ARID3B: variants seen among roughly 807,000 people sequenced by gnomAD.
ARID3B encodes the protein AT-rich interaction domain 3B, also known as AT-rich interactive domain-containing protein 3B.
A neutral mutation model predicts 51.9 loss-of-function variants in ARID3B; 10 were observed. The ratio of observed to expected loss-of-function variants is 0.19; its 90% confidence interval spans 0.12 to 0.33. The LOEUF (loss-of-function observed/expected upper bound fraction) is 0.33, where lower values mean the gene tolerates loss of function less well. ARID3B is among the 10% of genes least tolerant of loss of function. The pLI is 1.00. For synonymous variants in ARID3B, 205 were observed against 279.5 expected (o/e 0.73, Z 2.66); for missense variants, 483 against 716.3 (o/e 0.67, Z 3.72).
chr15:74,544,195 A>G lies in ARID3B; in HGVS notation c.259A>G (p.Met87Val), dbSNP rs780571610. Residue 87 changes from methionine (M) to valine (V), a missense_variant, in exon 2 of 9, where the codon ATG (methionine) becomes GTG (valine). Physicochemically the swap from Met to Val is conservative, Grantham distance 21. This residue lies in a region of ARID3B where 182 missense variants were observed against 244.5 expected (regional missense o/e 0.74). Transcript: ENST00000346246. ...AVAQVFERGN[M>V]NSEPEEEDGG... ...GGCCCAAGTGTTTGAACGGGGCAAC[A>G]TGAACTCAGAGCCTGAGGAAGAGGA... 1.9e-5 allele frequency: 31 copies of G among 1,613,928 alleles called. No homozygotes were observed. Among genetic ancestry groups the G allele is most frequent in the Admixed American group, 8.3e-5 (5 of 59,994 alleles).
chr15:74,541,298 C>CCTT lies in ARID3B; in HGVS notation c.-109_-108insTTC, dbSNP rs2061594120. 2 of 142,178 alleles carry CCTT rather than the reference C, an allele frequency of 1.4e-5. No individual in the cohort carries two copies. The highest frequency in any genetic ancestry group is 5.1e-5 in the African/African-American group (2 of 39,252). The allele number at this position is 142,178 out of a possible 1,614,324, so 8.8% of individuals were successfully genotyped here. A position where few individuals can be genotyped will look rare whatever the true frequency, so the allele number is the denominator to read the frequency against. On this transcript the variant is annotated 5_prime_UTR_variant, in exon 1 of 9. Coordinates refer to ENST00000346246, the MANE Select transcript of ARID3B (RefSeq NM_006465.4). ...GCCGGGGCCTGAGCTGCCGCCTCCT[C>CCTT]CGCCGCCCGAAAACCCGGAGTGCCC...
At chr15:74,545,756 G>C (rs752482570) in intron 2 of ARID3B, among the ~76,000 whole-genome samples, 1 of 152,194 alleles carries the variant, frequency 6.6e-6, no homozygotes, top group Non-Finnish European at 1.5e-5. Flanking sequence ...AAACATCTTG[G>C]ATCAGGAGGT....
At chr15:74,583,109 A>T (rs947580349) in intron 4 of ARID3B, among the ~76,000 whole-genome samples, 1 of 151,338 alleles carries the variant, frequency 6.6e-6, no homozygotes, top group Non-Finnish European at 1.5e-5. Context: ...CTGAGGTGAG[A>T]GAAGTGCTTG....
In ARID3B at chr15:74,543,894, G is replaced by A. The variant is rs958609373; in HGVS notation, c.-43G>A. 42 of 1,574,024 alleles carry A rather than the reference G, an allele frequency of 2.7e-5. No individual in the cohort carries two copies. Among genetic ancestry groups the A allele is most frequent in the Non-Finnish European group, 3.6e-5 (42 of 1,160,188 alleles). On this transcript the variant is annotated 5_prime_UTR_variant, in exon 2 of 9. Coordinates refer to ENST00000346246, the MANE Select transcript of ARID3B (RefSeq NM_006465.4). ...CAGTGTGCCTGGTGGGCTGTGCCCA[G>A]GTTCAGAGTCATGCCACTCTGTGGG...
At chr15:74,577,050 G>T (rs151226160) in intron 4 of ARID3B, among the ~76,000 whole-genome samples, 3 of 152,214 alleles carry the variant, frequency 2.0e-5, no homozygotes, top group Non-Finnish European at 4.4e-5. Context: ...GAAACTTGCC[G>T]TGGCAGTGTA....
rs1400292149 is a variant in ARID3B at position 74,589,851 on chromosome 15, C to G, written c.729C>G (p.Ala243=). 4.3e-6 allele frequency: 7 copies of G among 1,613,108 alleles called. No individual in the cohort carries two copies. The African/African-American group carries it at 9.3e-5, about 22-fold the overall frequency. The stretch of plus-strand genomic sequence containing the variant: ...CCATCAACCGAATCCCCATCATGGC[C>G]AAACAGATCCTGGACCTGTACATGC... ...GTPINRIPIM[A]KQILDLYMLY... is the part of the protein sequence containing the mutation. The change falls in exon 5 of 9, where the codon GCC becomes GCG. Residue 243 remains alanine (A), a synonymous_variant. Transcript: ENST00000346246.
At chr15:74,555,945 G>A (rs1429485199) in intron 2 of ARID3B, among the ~76,000 whole-genome samples, 1 of 151,394 alleles carries the variant, frequency 6.6e-6, no homozygotes, top group African/African-American at 2.4e-5. Flanking sequence ...GCGCCCACCA[G>A]CATGCCCGGC....
chr15:74,594,330 C>T (rs1261426087), intron 8 of ARID3B, among the ~76,000 whole-genome samples: 3 of 152,184 alleles, frequency 2.0e-5, no homozygotes, highest in Non-Finnish European at 4.4e-5. Flanking sequence ...TGCCTGTAGT[C>T]CCAGCTACTC....
At chr15:74,556,657 C>T (rs1567117665) in intron 2 of ARID3B, among the ~76,000 whole-genome samples, 1 of 152,158 alleles carries the variant, frequency 6.6e-6, no homozygotes, top group Non-Finnish European at 1.5e-5. Context: ...TTTTTCCCCT[C>T]ACAGTTATTA....
chr15:74,591,139 C>T lies in ARID3B; in HGVS notation c.882-12C>T. 1.3e-6 allele frequency: 2 copies of T among 1,580,644 alleles called. No individual in the cohort carries two copies. The highest frequency in any genetic ancestry group is 8.6e-7 in the Non-Finnish European group (1 of 1,157,702). On this transcript the variant is annotated splice_polypyrimidine_tract_variant and intron_variant, in intron 5 of 8. Coordinates refer to ENST00000346246, the MANE Select transcript of ARID3B (RefSeq NM_006465.4). This position sits in a 1 kb window ranked among gnomAD's most constrained non-coding sequence, Gnocchi z 5.8. ...TTTGGATTATTCTCCCTGCTTGCTTCCTTTCCTCCAGGTACATGAAGTATC... is the reference window on the plus strand; with the variant it reads ...TTTGGATTATTCTCCCTGCTTGCTTTCTTTCCTCCAGGTACATGAAGTATC...
At position 74,597,050 on chromosome 15, in the gene ARID3B, C is replaced by T. The variant is rs2061829380; in HGVS notation, c.*1276C>T. 1 of 236,084 alleles carries T rather than the reference C, an allele frequency of 4.2e-6. No individual in the cohort carries two copies. The highest frequency in any genetic ancestry group is 2.2e-5 in the African/African-American group (1 of 45,322). The allele number at this position is 236,084 out of a possible 1,614,324, so 14.6% of individuals were successfully genotyped here. A position where few individuals can be genotyped will look rare whatever the true frequency, so the allele number is the denominator to read the frequency against. The stretch of plus-strand genomic sequence containing the variant: ...CTGAAGACCGTTTTCTGCCACACCC[C>T]CACCCCCAGCTGACCAGGGAGGCAG... On this transcript the variant is annotated 3_prime_UTR_variant, in exon 9 of 9. Coordinates refer to ENST00000346246, the MANE Select transcript of ARID3B (RefSeq NM_006465.4).
intron 4 of ARID3B, among the ~76,000 whole-genome samples, chr15:74,583,688 A>G (rs189239608): frequency 8.8e-4 from 134 of 151,936 alleles, no homozygotes; most frequent in African/African-American, 3.2e-3. Context: ...CTGCACTCCA[A>G]CCTGGGCAAC....
chr15:74,560,967 C>T (rs748501568), intron 2 of ARID3B, among the ~76,000 whole-genome samples: 2 of 152,154 alleles, frequency 1.3e-5, no homozygotes. Flanking sequence ...TGGTTATTAT[C>T]AGTCCTTTTA....
chr15:74,550,035 T>A (rs1054849885), intron 2 of ARID3B, among the ~76,000 whole-genome samples: 6 of 152,236 alleles, frequency 3.9e-5, no homozygotes, highest in African/African-American at 1.4e-4. Flanking sequence ...CCAGAGACTC[T>A]TTTCCTTTGT....
At chr15:74,555,221 GC>G (rs2061653185) in intron 2 of ARID3B, among the ~76,000 whole-genome samples, 1 of 152,156 alleles carries the variant, frequency 6.6e-6, no homozygotes. Flanking sequence ...AGAAGGTCCT[GC>G]CTTGATGTTG....
chr15:74,594,018 GAGTGACAAAGCAAGACCTTGTCTC>G, intron 8 of ARID3B, among the ~76,000 whole-genome samples: 1 of 151,422 alleles, frequency 6.6e-6, no homozygotes, highest in East Asian at 1.9e-4. Context: ...ATTCCAGCCT[GAGTGACAAAGCAAGACCTTGTCTC>G]AATTAAAAAA....
chr15:74,584,288 C>G (rs2061772206), intron 4 of ARID3B, among the ~76,000 whole-genome samples: 1 of 152,178 alleles, frequency 6.6e-6, no homozygotes. Flanking sequence ...GGGAGCAGTT[C>G]TAGAGCAGGG....
chr15:74,576,252 C>T (rs2141468541), intron 4 of ARID3B, among the ~76,000 whole-genome samples: 1 of 152,200 alleles, frequency 6.6e-6, no homozygotes, highest in Non-Finnish European at 1.5e-5. Flanking sequence ...AATATCAGCC[C>T]CTCAGTCACA....
chr15:74,568,887 C>T (rs1006147781), intron 2 of ARID3B, among the ~76,000 whole-genome samples: 2 of 152,160 alleles, frequency 1.3e-5, no homozygotes, highest in Admixed American at 1.3e-4. Flanking sequence ...AGCCTGTTCC[C>T]TGGGCAGGTT....
Sources: allele counts gnomAD v4.1 joint callset (sites outside exome capture counted in the v4.1 genomes callset), GRCh38; gene constraint gnomAD v4.1.1; regional missense constraint gnomAD v4.1.1; non-coding constraint Gnocchi (gnomAD v3.1); transcripts MANE v1.5; gene names NCBI Gene and HGNC (gene_info 2026-07-23, HGNC 2026-07-21).